The following MAP2K3 variants were observed in gnomAD, a reference collection of about 807,000 sequenced individuals.
MAP2K3 encodes dual specificity mitogen-activated protein kinase kinase 3.
In MAP2K3, 30 loss-of-function variants were observed where a neutral mutation model predicts 46.4. That is an observed-to-expected ratio of 0.65 (90% CI 0.48 to 0.88). The LOEUF (loss-of-function observed/expected upper bound fraction) is 0.88. MAP2K3 is among the 40% of genes least tolerant of loss of function. The pLI is 0.00. For missense variants in MAP2K3, 380 were observed against 464.5 expected, an observed-to-expected ratio of 0.82 and a Z score of 1.67; for synonymous variants, 189 against 176.3, an observed-to-expected ratio of 1.07 and a Z score of -0.57.
intron 7 of MAP2K3, among the ~76,000 whole-genome samples, chr17:21,303,601 G>A (rs903332805): frequency 4.6e-5 from 7 of 152,312 alleles, no homozygotes; most frequent in African/African-American, 1.4e-4. Flanking sequence ...TGTTCTCTTG[G>A]GCTCCTTCCC....
chr17:21,299,384 A>G (rs886472190), intron 3 of MAP2K3, among the ~76,000 whole-genome samples: 6 of 152,306 alleles, frequency 3.9e-5, no homozygotes, highest in African/African-American at 1.4e-4. Flanking sequence ...TCCTCCCAAC[A>G]GAAACCCTAC....
At chr17:21,291,662 TG>T in intron 1 of MAP2K3, 1 of 447,102 alleles carries the variant, frequency 2.2e-6, no homozygotes, top group Non-Finnish European at 4.5e-6. Context: ...TGTGGGAGCC[TG>T]GGGCCAGAGT....
intron 7 of MAP2K3, among the ~76,000 whole-genome samples, 198 bp from the exon 8 acceptor site, chr17:21,304,228 C>T (rs1976763103): frequency 6.6e-6 from 1 of 152,428 alleles, no homozygotes; most frequent in Admixed American, 6.5e-5. Context: ...AAGTATGACT[C>T]TCAGCTGGCC....
chr17:21,291,198 C>T (rs1353409922), intron 1 of MAP2K3, among the ~76,000 whole-genome samples: 4 of 151,972 alleles, frequency 2.6e-5, no homozygotes, highest in Non-Finnish European at 5.9e-5. Context: ...GAGCCGGGAT[C>T]GCACCACTGC....
chr17:21,287,374 G>C (rs1975751407), intron 1 of MAP2K3, among the ~76,000 whole-genome samples: 2 of 152,268 alleles, frequency 1.3e-5, no homozygotes, highest in African/African-American at 4.8e-5. Flanking sequence ...CATAGGTGGA[G>C]AGCCTCACTC....
intron 1 of MAP2K3, 40 bp downstream of exon 1, chr17:21,285,009 C>G: frequency 6.3e-7 from 1 of 1,593,526 alleles, no homozygotes; most frequent in Non-Finnish European, 8.5e-7. Flanking sequence ...GACCCCGCGC[C>G]TAATCTGGGG....
Position 21,284,762 on chromosome 17 carries a change from C to T in MAP2K3, c.-159C>T, listed in dbSNP as rs963655471. On this transcript the variant is annotated 5_prime_UTR_variant, in exon 1 of 12. Transcript: ENST00000342679. ...GGACTCGTCCTTGCTGCAGTCGCCG[C>T]CGCAGTCCTCGCCGCAGTCGCCGCC... is the stretch of plus-strand genomic sequence containing the variant. The T allele has an allele frequency of 2.2e-5, 16 of 714,588 alleles. No individual in the cohort carries two copies. The African/African-American group carries it at 2.7e-4, about 12-fold the overall frequency. The allele number at this position is 714,588 out of a possible 1,614,324, so 44.3% of individuals were successfully genotyped here.
Position 21,284,988 on chromosome 17 carries a change from G to T in MAP2K3, c.49+19G>T, listed in dbSNP as rs1481004122. 1 of 1,604,454 alleles carries T rather than the reference G, an allele frequency of 6.2e-7. No homozygotes were observed. On this transcript the variant is annotated intron_variant, in intron 1 of 11. Transcript: ENST00000342679. The stretch of plus-strand genomic sequence containing the variant: ...TCCAAAGGTAGGCGCTCCCGGCCGG[G>T]ACCTCGGCCTGACCCCGCGCCTAAT...
At chr17:21,309,759 G>A (rs76296926) in intron 9 of MAP2K3, among the ~76,000 whole-genome samples, 1 of 151,566 alleles carries the variant, frequency 6.6e-6, no homozygotes, top group Non-Finnish European at 1.5e-5. Flanking sequence ...GACTACAGGC[G>A]TGCGCCACCA....
intron 1 of MAP2K3, chr17:21,291,584 G>C: frequency 2.2e-6 from 1 of 456,522 alleles, no homozygotes; most frequent in Non-Finnish European, 4.4e-6. Flanking sequence ...GGAGGGCTGA[G>C]CATCACTTGT....
intron 1 of MAP2K3, among the ~76,000 whole-genome samples, chr17:21,293,994 C>T (rs1239087487): frequency 2.0e-5 from 3 of 152,306 alleles, no homozygotes; most frequent in Non-Finnish European, 4.4e-5. Context: ...ACCTCAGGAC[C>T]TCTGATGGCA....
intron 9 of MAP2K3, among the ~76,000 whole-genome samples, chr17:21,306,383 G>A (rs1360883221): frequency 6.6e-6 from 1 of 152,286 alleles, no homozygotes; most frequent in Non-Finnish European, 1.5e-5. Context: ...AGACTCACGG[G>A]GGAGGGGTGT....
chr17:21,289,162 C>A (rs1489027063), intron 1 of MAP2K3, among the ~76,000 whole-genome samples: 1 of 152,208 alleles, frequency 6.6e-6, no homozygotes, highest in Non-Finnish European at 1.5e-5. Flanking sequence ...CAGAATTTAC[C>A]AGGCTTTAGG....
chr17:21,311,792 C>T (rs1977175650), intron 9 of MAP2K3: 2 of 191,330 alleles, frequency 1.0e-5, no homozygotes, highest in African/African-American at 2.3e-5. Flanking sequence ...GAGGCTACGG[C>T]CCAAAGTTGC....
intron 10 of MAP2K3, among the ~76,000 whole-genome samples, 189 bp from the exon 11 acceptor site, chr17:21,313,303 A>T (rs1877808537): frequency 6.6e-6 from 1 of 152,188 alleles, no homozygotes; most frequent in South Asian, 2.1e-4. Flanking sequence ...ACTTGCTGCA[A>T]GTCTCTAGTT....
intron 1 of MAP2K3, among the ~76,000 whole-genome samples, chr17:21,290,786 CA>C (rs1323467013): frequency 7.2e-5 from 11 of 152,256 alleles, no homozygotes; most frequent in African/African-American, 2.7e-4. Context: ...CTCATCTCTA[CA>C]AAAAACATAA....
intron 1 of MAP2K3, among the ~76,000 whole-genome samples, chr17:21,298,090 A>G (rs1242741315): frequency 2.6e-5 from 4 of 152,312 alleles, no homozygotes; most frequent in African/African-American, 9.6e-5. Flanking sequence ...TTGACTAGTC[A>G]GGCAGGGCAG....
At chr17:21,309,683 G>A (rs1200335625) in intron 9 of MAP2K3, among the ~76,000 whole-genome samples, 1 of 152,022 alleles carries the variant, frequency 6.6e-6, no homozygotes, top group East Asian at 1.9e-4. Context: ...GTGCGATCTC[G>A]GCTTACTGCA....
In MAP2K3 at chr17:21,300,882, G is replaced by A; in HGVS notation, c.288G>A (p.Arg96=). The A allele has an allele frequency of 6.2e-7, 1 of 1,614,164 alleles. No homozygotes were observed. Among genetic ancestry groups the A allele is most frequent in the South Asian group, 1.1e-5 (1 of 91,090 alleles). ...SGTIMAVKRI[R]ATVNSQEQKR... ...GCAGTCCTTCCCTGCAGCGGATCCG[G>A]GCCACCGTGAACTCACAGGAGCAGA... Residue 96 remains arginine, a synonymous_variant, in exon 5 of 12, where the codon CGG becomes CGA. Transcript: ENST00000342679.
Sources: gnomAD v4.1 joint callset for allele counts (sites outside exome capture counted in the v4.1 genomes callset) on GRCh38, gnomAD v4.1.1 for gene constraint, MANE v1.5 for transcripts, NCBI Gene and HGNC (gene_info 2026-07-23, HGNC 2026-07-21) for gene names.